Variants in ALOX5 observed in about 807,000 individuals in gnomAD.
ALOX5 encodes polyunsaturated fatty acid 5-lipoxygenase.
ALOX5 carries 64 observed loss-of-function variants against 87.9 expected under a neutral mutation model. The observed-to-expected ratio is 0.73, with a 90% CI of 0.60 to 0.90. The LOEUF is 0.90. ALOX5 is among the 40% of genes least tolerant of loss of function. The pLI is 0.00. For missense variants in ALOX5, 822 were observed against 907.5 expected (o/e 0.91, Z 1.21); for synonymous variants, 388 against 355.1 (o/e 1.09, Z -1.04).
intron 7 of ALOX5, among the ~76,000 whole-genome samples, chr10:45,434,680 G>T (rs750301397): frequency 1.3e-5 from 2 of 152,222 alleles, no homozygotes; most frequent in Non-Finnish European, 2.9e-5. Context: ...GATGCAGCAG[G>T]CCTACTGTGC....
rs1429640486 is a variant in ALOX5, at chr10:45,391,075, CGG to C, written c.350-4779_350-4778del. On this transcript the variant is annotated intron_variant, in intron 2 of 13. Transcript: ENST00000374391. ...TCCCCTCTCCCTCTCCCTCTCCCCA[CGG>C]TCTCCCTCTCCCTCTCCCCACGGTC... 1.4e-4 allele frequency among the ~76,000 whole-genome samples: 6 copies of C among 42,126 alleles called. 1 individual carries two copies. Among genetic ancestry groups the C allele is most frequent in the Admixed American group, 7.4e-4 (3 of 4,028 alleles). 27.6% of individuals were successfully genotyped at this position (42,126 alleles called of 152,430 possible). A position where few individuals can be genotyped will look rare whatever the true frequency, so the allele number is the denominator to read the frequency against.
At chr10:45,404,073 G>A (rs1373415007) in intron 3 of ALOX5, among the ~76,000 whole-genome samples, 1 of 152,206 alleles carries the variant, frequency 6.6e-6, no homozygotes, top group Non-Finnish European at 1.5e-5. Context: ...ACACAAACTA[G>A]CCCAATTATC....
At chr10:45,444,548 C>T (rs1347664730) in intron 13 of ALOX5, 3 of 438,714 alleles carry the variant, frequency 6.8e-6, no homozygotes, top group Admixed American at 4.1e-5. Flanking sequence ...GACGCCCCCT[C>T]CCCCCAGCTA....
At chr10:45,389,759 T>A (rs898985011) in intron 2 of ALOX5, among the ~76,000 whole-genome samples, 1 of 152,182 alleles carries the variant, frequency 6.6e-6, no homozygotes, top group Non-Finnish European at 1.5e-5. Flanking sequence ...GTAAAGACCA[T>A]CAATGCTAGG....
intron 4 of ALOX5, among the ~76,000 whole-genome samples, chr10:45,421,158 A>AGTT (rs1447051331): frequency 1.3e-5 from 2 of 152,212 alleles, no homozygotes; most frequent in African/African-American, 4.8e-5. Context: ...TGAATATTCC[A>AGTT]GTTATCTGTA....
intron 13 of ALOX5, 33 bp downstream of exon 13, chr10:45,444,319 G>A (rs1197882137): frequency 6.5e-7 from 1 of 1,530,874 alleles, no homozygotes; most frequent in South Asian, 1.2e-5. Flanking sequence ...ACAGCCCCAG[G>A]TCACCCCAGG....
At chr10:45,387,293 A>G (rs11239505) in intron 2 of ALOX5, among the ~76,000 whole-genome samples, 34,582 of 152,016 alleles carry the variant, frequency 0.23, 4,071 homozygotes, top group African/African-American at 0.26. Flanking sequence ...GCACGACAGG[A>G]AACCGGGTTG....
intron 3 of ALOX5, among the ~76,000 whole-genome samples, chr10:45,404,812 G>T (rs1160170166): frequency 6.6e-6 from 1 of 152,186 alleles, no homozygotes; most frequent in Non-Finnish European, 1.5e-5. Flanking sequence ...TTGCAGGGTT[G>T]CAGACCACGT....
intron 4 of ALOX5, among the ~76,000 whole-genome samples, chr10:45,419,866 AC>A (rs1215105934): frequency 6.6e-6 from 1 of 152,140 alleles, no homozygotes; most frequent in Non-Finnish European, 1.5e-5. Context: ...GAAGGGAGGG[AC>A]GTAGCAGCAG....
Position 45,423,033 on chromosome 10 carries a change from G to T in ALOX5, c.555-1008G>T, listed in dbSNP as rs535586831. On this transcript the variant is annotated intron_variant, in intron 4 of 13. Transcript: ENST00000374391. ...ACGGGTACCCCACCCTCGTGACCTC[G>T]TCTAACCCTAATCACCTCCCAAAGG... Among the ~76,000 whole-genome samples, 25 of 152,274 alleles carry T rather than the reference G, an allele frequency of 1.6e-4. No individual in the cohort carries two copies. The East Asian group carries it at 4.3e-3, about 26-fold the overall frequency.
At chr10:45,410,033 C>G (rs924430059) in intron 3 of ALOX5, among the ~76,000 whole-genome samples, 2 of 152,262 alleles carry the variant, frequency 1.3e-5, no homozygotes, top group African/African-American at 4.8e-5. Flanking sequence ...TCCAAGTGGA[C>G]TATTCACTTA....
At chr10:45,395,201 C>G (rs1394287192) in intron 2 of ALOX5, among the ~76,000 whole-genome samples, 1 of 152,124 alleles carries the variant, frequency 6.6e-6, no homozygotes, top group Non-Finnish European at 1.5e-5. Context: ...GACTTGGAAC[C>G]AACCCAAATG....
chr10:45,432,118 G>C (rs931709112), intron 7 of ALOX5, among the ~76,000 whole-genome samples: 2 of 151,012 alleles, frequency 1.3e-5, no homozygotes, highest in African/African-American at 4.9e-5. Flanking sequence ...ATCTAGCATA[G>C]TCAAAAATTT....
chr10:45,415,641 G>C (rs1319433229), intron 4 of ALOX5, among the ~76,000 whole-genome samples: 1 of 152,186 alleles, frequency 6.6e-6, no homozygotes. Flanking sequence ...TTGGTGGACT[G>C]TGCCTTTTTC....
At chr10:45,433,264 C>T (rs1320335385) in intron 7 of ALOX5, among the ~76,000 whole-genome samples, 2 of 152,094 alleles carry the variant, frequency 1.3e-5, no homozygotes, top group Non-Finnish European at 2.9e-5. Context: ...CTTCGGCCAG[C>T]ACCGGAGCAA....
intron 7 of ALOX5, among the ~76,000 whole-genome samples, chr10:45,436,976 T>C (rs1187354503): frequency 6.6e-6 from 1 of 152,188 alleles, no homozygotes; most frequent in Non-Finnish European, 1.5e-5. Flanking sequence ...ATTTTGTGTA[T>C]GGGGGACTAT....
At chr10:45,411,277 G>A (rs1435904502) in intron 3 of ALOX5, among the ~76,000 whole-genome samples, 2 of 152,102 alleles carry the variant, frequency 1.3e-5, no homozygotes, top group Non-Finnish European at 2.9e-5. Flanking sequence ...TTATCAGCAA[G>A]GTCTTTCTGC....
At chr10:45,437,665 C>T (rs1842098533) in intron 7 of ALOX5, among the ~76,000 whole-genome samples, 1 of 152,206 alleles carries the variant, frequency 6.6e-6, no homozygotes, top group Non-Finnish European at 1.5e-5. Flanking sequence ...AATGTTATTA[C>T]TTTTCTAAGT....
At chr10:45,418,028 C>T (rs1394610991) in intron 4 of ALOX5, among the ~76,000 whole-genome samples, 1 of 152,204 alleles carries the variant, frequency 6.6e-6, no homozygotes, top group Non-Finnish European at 1.5e-5. Flanking sequence ...GAGTGATGGC[C>T]TATTGGCAGG....
Sources: allele counts gnomAD v4.1 joint callset (sites outside exome capture counted in the v4.1 genomes callset), GRCh38; gene constraint gnomAD v4.1.1; transcripts MANE v1.5; gene names NCBI Gene and HGNC (gene_info 2026-07-23, HGNC 2026-07-21).